MAL: variants seen among roughly 807,000 people sequenced by gnomAD.
MAL encodes the protein myelin and lymphocyte protein.
MAL carries 5 observed loss-of-function variants against 16.7 expected under a neutral mutation model. That is an observed-to-expected ratio of 0.30 (90% CI 0.16 to 0.63). MAL has a LOEUF of 0.63. MAL is among the 30% of genes least tolerant of loss of function. The pLI, the probability that MAL is intolerant of heterozygous loss-of-function variation, is 0.82. For synonymous variants in MAL, 96 were observed against 85.5 expected, an observed-to-expected ratio of 1.12 and a Z score of -0.67; for missense variants, 202 against 195.8, an observed-to-expected ratio of 1.03 and a Z score of -0.19.
chr2:95,035,068 A>G (rs925677569), intron 1 of MAL, among the ~76,000 whole-genome samples: 33 of 152,194 alleles, frequency 2.2e-4, no homozygotes, highest in African/African-American at 7.7e-4. Context: ...AAAGGCGGAC[A>G]GAGGGTGAAA....
chr2:95,050,158 A>T (rs1442995176), intron 3 of MAL, among the ~76,000 whole-genome samples: 3 of 152,210 alleles, frequency 2.0e-5, no homozygotes, highest in African/African-American at 7.2e-5. Flanking sequence ...CCACACTCTC[A>T]GCACCAGTTT....
chr2:95,037,568 GTGAGTGAC>G (rs1284527379), intron 1 of MAL, among the ~76,000 whole-genome samples: 2 of 151,742 alleles, frequency 1.3e-5, no homozygotes, highest in Admixed American at 6.6e-5. Flanking sequence ...GACTGAGTGA[GTGAGTGAC>G]TGAGTGACTG....
chr2:95,033,027 G>A (rs536755965), intron 1 of MAL, among the ~76,000 whole-genome samples: 2 of 152,328 alleles, frequency 1.3e-5, no homozygotes, highest in Non-Finnish European at 2.9e-5. Context: ...CAGCCTCACT[G>A]ACCTGCAGTT....
rs1558661900 is a variant in MAL at position 95,047,945 on chromosome 2, C to T, written c.94-14C>T. 12 of 1,611,194 alleles carry T rather than the reference C, an allele frequency of 7.4e-6. No individual in the cohort carries two copies. Among genetic ancestry groups the T allele is most frequent in the Middle Eastern group, 3.3e-4 (2 of 6,054 alleles). On this transcript the variant is annotated splice_polypyrimidine_tract_variant and intron_variant, in intron 1 of 3. Transcript: ENST00000309988. ...TCCTCTAGGCCAAAACTCACCCCTCCTCCTCCCCCGCAGATCTTCGGGGGC... is the reference window on the plus strand; with the variant it reads ...TCCTCTAGGCCAAAACTCACCCCTCTTCCTCCCCCGCAGATCTTCGGGGGC...
At chr2:95,026,301 GAA>G (rs949477979) in intron 1 of MAL, 1 of 159,636 alleles carries the variant, frequency 6.3e-6, no homozygotes, top group Non-Finnish European at 1.4e-5. Flanking sequence ...CGTTAAAAAA[GAA>G]AAAAAAATCA....
At chr2:95,042,311 G>A (rs996776189) in intron 1 of MAL, among the ~76,000 whole-genome samples, 8 of 152,202 alleles carry the variant, frequency 5.3e-5, no homozygotes, top group Admixed American at 3.3e-4. Context: ...CTTATGTTAC[G>A]GCAACACATC....
chr2:95,042,590 G>C (rs1026929858), intron 1 of MAL, among the ~76,000 whole-genome samples: 1 of 152,216 alleles, frequency 6.6e-6, no homozygotes, highest in Non-Finnish European at 1.5e-5. Context: ...CCAGCCAGCT[G>C]TCCCATCTCT....
chr2:95,028,475 C>T (rs1459912918), intron 1 of MAL, among the ~76,000 whole-genome samples: 1 of 152,194 alleles, frequency 6.6e-6, no homozygotes, highest in African/African-American at 2.4e-5. Context: ...TGGTATGCCA[C>T]TGGCGGGAAT....
chr2:95,044,492 T>G (rs1454314088), intron 1 of MAL: 2 of 152,176 alleles, frequency 1.3e-5, no homozygotes, highest in African/African-American at 4.8e-5. Flanking sequence ...AAATATACCA[T>G]GCAAAGGAAA....
At chr2:95,037,925 T>C (rs1282671321) in intron 1 of MAL, among the ~76,000 whole-genome samples, 2 of 148,510 alleles carry the variant, frequency 1.3e-5, no homozygotes, top group Non-Finnish European at 3.0e-5. Flanking sequence ...AGTGAGTGAC[T>C]GAGTGAGTGA....
chr2:95,052,118 C>T (rs1674733250), intron 3 of MAL, among the ~76,000 whole-genome samples: 1 of 152,162 alleles, frequency 6.6e-6, no homozygotes, highest in South Asian at 2.1e-4. Context: ...GGGTGGAAGT[C>T]GCCTGGGGCG....
At position 95,025,849 on chromosome 2, in the gene MAL, C is replaced by T; in HGVS notation, c.57C>T (p.Phe19=). 6.3e-7 allele frequency: 1 copy of T among 1,578,842 alleles called. No individual in the cohort carries two copies. Among genetic ancestry groups the T allele is most frequent in the East Asian group, 2.4e-5 (1 of 42,238 alleles). The change falls in exon 1 of 4, where the codon TTC becomes TTT. Residue 19 remains phenylalanine, a synonymous_variant. Transcript: ENST00000309988. This position sits in a 1 kb window ranked among gnomAD's most constrained non-coding sequence, Gnocchi z 5.6. ...CCCTGCCCAGTGGCTTCTCGGTCTT[C>T]ACCACCTTGCCCGACTTGCTCTTCA... is the stretch of plus-strand genomic sequence containing the variant. The part of the protein sequence containing the change: ...GSTLPSGFSV[F]TTLPDLLFIF...
chr2:95,037,277 G>C (rs187786567), intron 1 of MAL, among the ~76,000 whole-genome samples: 316 of 149,162 alleles, frequency 2.1e-3, no homozygotes, highest in African/African-American at 6.9e-3. Flanking sequence ...GGGTGAGTGA[G>C]TGACTGACTG....
chr2:95,042,293 C>T (rs1001243700), intron 1 of MAL, among the ~76,000 whole-genome samples: 22 of 152,212 alleles, frequency 1.4e-4, no homozygotes, highest in African/African-American at 4.8e-4. Context: ...CAGAGCATCG[C>T]CCATGGCCTT....
chr2:95,048,184 T>C, intron 2 of MAL, 58 bp downstream of exon 2: 1 of 1,503,916 alleles, frequency 6.6e-7, no homozygotes, highest in Non-Finnish European at 9.2e-7. Flanking sequence ...TACTGGTCCC[T>C]GGCCCAGTAG....
intron 1 of MAL, among the ~76,000 whole-genome samples, chr2:95,037,173 CTGAG>C (rs1674241680): frequency 2.6e-5 from 3 of 113,448 alleles, no homozygotes; most frequent in African/African-American, 6.9e-5. Context: ...GAGTGAGTGA[CTGAG>C]TGAGTGACTG....
intron 1 of MAL, among the ~76,000 whole-genome samples, chr2:95,045,095 C>T (rs549422697): frequency 2.2e-4 from 33 of 152,264 alleles, no homozygotes; most frequent in South Asian, 1.0e-3. Flanking sequence ...TGTCACTATC[C>T]GGTTTACCTT....
At chr2:95,036,618 T>C (rs913053440) in intron 1 of MAL, among the ~76,000 whole-genome samples, 12 of 152,246 alleles carry the variant, frequency 7.9e-5, no homozygotes, top group African/African-American at 2.9e-4. Context: ...AGTGAATGAA[T>C]GAATGAATGA....
chr2:95,053,670 G>T lies in MAL; in HGVS notation c.*215G>T. The stretch of plus-strand genomic sequence containing the variant: ...CGCGTCCGGGTTGGGAGCTTGCTGT[G>T]TCTAACCTCCAACTGCTGTGCTGTC... On this transcript the variant is annotated 3_prime_UTR_variant, in exon 4 of 4. Coordinates refer to ENST00000309988, the MANE Select transcript of MAL (RefSeq NM_002371.4). 1.7e-6 allele frequency: 1 copy of T among 572,720 alleles called. No homozygotes were observed. The highest frequency in any genetic ancestry group is 2.8e-5 in the East Asian group (1 of 35,104). 35.5% of individuals were successfully genotyped at this position (572,720 alleles called of 1,614,324 possible). A position where few individuals can be genotyped will look rare whatever the true frequency, so the allele number is the denominator to read the frequency against.
Sources: allele counts gnomAD v4.1 joint callset (sites outside exome capture counted in the v4.1 genomes callset), GRCh38; gene constraint gnomAD v4.1.1; non-coding constraint Gnocchi (gnomAD v3.1); transcripts MANE v1.5; gene names NCBI Gene and HGNC (gene_info 2026-07-23, HGNC 2026-07-21).